DGKI: variants seen among roughly 807,000 people sequenced by gnomAD.
The protein encoded by DGKI is diacylglycerol kinase iota.
Under a neutral mutation model 147.5 loss-of-function variants are expected in DGKI, and 55 were observed. The ratio of observed to expected loss-of-function variants is 0.37; its 90% CI spans 0.30 to 0.47. DGKI has a LOEUF of 0.47. Among genes scored for constraint, DGKI ranks in the 20% least tolerant of loss-of-function variants. The pLI is 1.00. For synonymous variants in DGKI, 469 were observed against 477.1 expected (o/e 0.98, Z 0.22); for missense variants, 1,007 against 1,323.8 (o/e 0.76, Z 3.71).
At chr7:137,566,521 T>C (rs10242081) in intron 19 of DGKI, among the ~76,000 whole-genome samples, 5,819 of 152,270 alleles carry the variant, frequency 0.038, 242 homozygotes, top group South Asian at 0.1. Flanking sequence ...TTTTCTTAGA[T>C]AGCATTCTCT....
chr7:137,599,730 A>C lies in DGKI; in HGVS notation c.1250+93T>G, dbSNP rs920509572. The C allele has an allele frequency of 9.0e-6, 10 of 1,109,158 alleles. No homozygotes were observed. In the African/African-American group the frequency reaches 1.5e-4, roughly 17 times the overall value. 68.7% of individuals were successfully genotyped at this position (1,109,158 alleles called of 1,614,324 possible). A position where few individuals can be genotyped will look rare whatever the true frequency, so the allele number is the denominator to read the frequency against. ...GTGAGAAGGTAGATGACAGATGGTC[A>C]GGATATACCTCACAAGGTAATCAGA... On this transcript the variant is annotated intron_variant, in intron 11 of 32. Transcript: ENST00000614521.
In DGKI at chr7:137,826,763, A is replaced by C. The variant is rs866551881; in HGVS notation, c.401+19699T>G. Among the ~76,000 whole-genome samples the C allele has an allele frequency of 2.0e-5, 3 of 152,272 alleles. No individual in the cohort carries two copies. In the South Asian group the frequency reaches 6.2e-4, roughly 32 times the overall value. On this transcript the variant is annotated intron_variant, in intron 1 of 32. Coordinates refer to ENST00000614521, the MANE Select transcript of DGKI (RefSeq NM_001321708.2). Reference sequence around the variant, plus strand: ...GAGTTTATCCAAACAGTTTAGAGGGAAAGTGCCTAGCTCAGAGGCAAGCCA... The same window carrying C: ...GAGTTTATCCAAACAGTTTAGAGGGCAAGTGCCTAGCTCAGAGGCAAGCCA...
chr7:137,638,753 TGTTA>T (rs1239421880), intron 6 of DGKI, among the ~76,000 whole-genome samples: 4 of 149,792 alleles, frequency 2.7e-5, no homozygotes, highest in Non-Finnish European at 4.4e-5. Flanking sequence ...AACTATAACA[TGTTA>T]ATTATATATT....
chr7:137,731,023 C>G lies in DGKI; in HGVS notation c.402-41021G>C, dbSNP rs78483483. ...CCACAAGCAAAAGCTCTAAAGAATC[C>G]TACTATTCCGCCTCAGCCACAATGG... On this transcript the variant is annotated intron_variant, in intron 1 of 32. Transcript: ENST00000614521. Among the ~76,000 whole-genome samples the G allele has an allele frequency of 8.9e-3, 1,357 of 152,126 alleles. 19 individuals carry two copies. Among genetic ancestry groups the G allele is most frequent in the African/African-American group, 0.031 (1,282 of 41,530 alleles).
At chr7:137,563,439 A>C (rs1818483218) in intron 19 of DGKI, among the ~76,000 whole-genome samples, 1 of 152,000 alleles carries the variant, frequency 6.6e-6, no homozygotes, top group Admixed American at 6.5e-5. Context: ...GTGGCATAAA[A>C]ATTTTTTAAA....
chr7:137,418,530 A>G (rs1465997942), intron 28 of DGKI, among the ~76,000 whole-genome samples: 1 of 152,234 alleles, frequency 6.6e-6, no homozygotes, highest in African/African-American at 2.4e-5. Context: ...CCATATATAT[A>G]TGTTTGTGAT....
intron 27 of DGKI, among the ~76,000 whole-genome samples, chr7:137,446,690 C>A (rs1284571054): frequency 1.3e-5 from 2 of 152,054 alleles, no homozygotes; most frequent in Admixed American, 6.6e-5. Context: ...CGCGCCATTG[C>A]ACTCCAGCCT....
chr7:137,788,635 T>TACAC (rs745381286), intron 1 of DGKI, among the ~76,000 whole-genome samples: 5,743 of 120,076 alleles, frequency 0.048, 135 homozygotes, highest in East Asian at 0.083. Context: ...AACCCATAAA[T>TACAC]ACACACACAC....
At chr7:137,725,381 G>A (rs1794689603) in intron 1 of DGKI, among the ~76,000 whole-genome samples, 1 of 152,056 alleles carries the variant, frequency 6.6e-6, no homozygotes, top group South Asian at 2.1e-4. Context: ...GATTTTGCCT[G>A]GTCCAATCAA....
intron 23 of DGKI, among the ~76,000 whole-genome samples, chr7:137,483,145 C>T (rs1052692958): frequency 3.3e-5 from 5 of 152,012 alleles, no homozygotes; most frequent in African/African-American, 7.2e-5. Context: ...CTTATCCATC[C>T]GTTGATCTCC....
rs139570818 is a variant in DGKI at position 137,518,542 on chromosome 7, T to C, written c.2248+3324A>G. 3.1e-3 allele frequency among the ~76,000 whole-genome samples: 465 copies of C among 152,250 alleles called. 5 individuals are homozygous for C. The highest frequency in any genetic ancestry group is 0.011 in the African/African-American group (447 of 41,558). On this transcript the variant is annotated intron_variant, in intron 21 of 32. Transcript: ENST00000614521. ...TGTAAAAGCATTGTCAAACACTGTA[T>C]TTGATATACAACAAATGTTAATTCC...
At position 137,385,986 on chromosome 7, in the gene DGKI, A is replaced by G. The variant is rs553913402; in HGVS notation, c.*5234T>C. 3 of 152,254 alleles carry G rather than the reference A, an allele frequency of 2.0e-5. No individual in the cohort carries two copies. In the East Asian group the frequency reaches 5.8e-4, roughly 29 times the overall value. 9.4% of individuals were successfully genotyped at this position (152,254 alleles called of 1,614,324 possible). ...TATGATGCCTGCCTCAGAGTGACAAATATTTTTCAAATAATGATTAAATAC... is the reference window on the plus strand; with the variant it reads ...TATGATGCCTGCCTCAGAGTGACAAGTATTTTTCAAATAATGATTAAATAC... On this transcript the variant is annotated 3_prime_UTR_variant, in exon 33 of 33. Transcript: ENST00000614521.
chr7:137,553,685 G>GTTC (rs1563082164), intron 19 of DGKI, among the ~76,000 whole-genome samples: 2 of 151,952 alleles, frequency 1.3e-5, no homozygotes, highest in Non-Finnish European at 2.9e-5. Context: ...ATACACATGT[G>GTTC]AACCTCCATC....
intron 6 of DGKI, among the ~76,000 whole-genome samples, chr7:137,641,263 T>G (rs1821614565): frequency 6.6e-6 from 1 of 152,176 alleles, no homozygotes; most frequent in South Asian, 2.1e-4. Flanking sequence ...CCCTTTCTTT[T>G]GTAAATTGCC....
At chr7:137,730,374 C>T (rs73729017) in intron 1 of DGKI, among the ~76,000 whole-genome samples, 197 of 152,152 alleles carry the variant, frequency 1.3e-3, no homozygotes, top group African/African-American at 4.5e-3. Flanking sequence ...TTCCTTCTTT[C>T]TCTCATGCCT....
intron 2 of DGKI, among the ~76,000 whole-genome samples, chr7:137,678,934 A>T (rs1585362150): frequency 2.0e-5 from 3 of 152,340 alleles, no homozygotes; most frequent in East Asian, 3.9e-4. Flanking sequence ...CAAATGAGGA[A>T]AAAACACCTC....
chr7:137,739,628 A>G (rs2116700626), intron 1 of DGKI, among the ~76,000 whole-genome samples: 1 of 152,234 alleles, frequency 6.6e-6, no homozygotes, highest in Non-Finnish European at 1.5e-5. Context: ...AACAAAACTC[A>G]TTTGCCCTGC....
Position 137,747,391 on chromosome 7 carries a change from G to C in DGKI, c.402-57389C>G, listed in dbSNP as rs537875317. 2.9e-4 allele frequency among the ~76,000 whole-genome samples: 44 copies of C among 152,286 alleles called. 1 individual carries two copies. Among genetic ancestry groups the C allele is most frequent in the African/African-American group, 1.1e-3 (44 of 41,568 alleles). On this transcript the variant is annotated intron_variant, in intron 1 of 32. Transcript: ENST00000614521. ...CATTGAGGCAGGAAAATAGGGTCTGGAGGCAGGGAACATAAGGCCGATTCA... is the reference window on the plus strand; with the variant it reads ...CATTGAGGCAGGAAAATAGGGTCTGCAGGCAGGGAACATAAGGCCGATTCA...
At chr7:137,471,969 A>AT (rs1814917207) in intron 23 of DGKI, among the ~76,000 whole-genome samples, 1 of 140,960 alleles carries the variant, frequency 7.1e-6, no homozygotes, top group Non-Finnish European at 1.5e-5. Context: ...TATATTATAT[A>AT]CATGTGTATA....
Sources: gnomAD v4.1 joint callset for allele counts (sites outside exome capture counted in the v4.1 genomes callset) on GRCh38, gnomAD v4.1.1 for gene constraint, MANE v1.5 for transcripts, NCBI Gene and HGNC (gene_info 2026-07-23, HGNC 2026-07-21) for gene names.